GLP2R: variants seen among roughly 807,000 people sequenced by gnomAD.
GLP2R encodes glucagon like peptide 2 receptor.
A neutral mutation model predicts 68.2 loss-of-function variants in GLP2R; 59 were observed. That is an observed-to-expected ratio of 0.87 (90% CI 0.70 to 1.07). The LOEUF (loss-of-function observed/expected upper bound fraction) is 1.07. Among genes scored for constraint, GLP2R ranks in the 50% least tolerant of loss-of-function variants. The pLI is 0.00. For missense variants in GLP2R, 548 were observed against 677.4 expected (o/e 0.81, Z 2.12); for synonymous variants, 270 against 265.4 (o/e 1.02, Z -0.17).
Position 9,889,640 on chromosome 17 carries a change from T to C in GLP2R, c.1597T>C (p.Cys533Arg). 3 of 1,611,424 alleles carry C rather than the reference T, an allele frequency of 1.9e-6. No homozygotes were observed. The highest frequency in any genetic ancestry group is 2.5e-6 in the Non-Finnish European group (3 of 1,178,298). ...RWPRGSSLSE[C>R]SEGDVTMANT... ...GCCCCGGGGCAGCAGCCTGTCCGAG[T>C]GCAGTGAGGGGGATGTCACCATGGC... Residue 533 changes from cysteine (C) to arginine (R), a missense_variant, in exon 13 of 13, where the codon TGC (cysteine) becomes CGC (arginine). By Grantham distance (180) the Cys-to-Arg change is radical. Coordinates refer to ENST00000262441, the MANE Select transcript of GLP2R (RefSeq NM_004246.3).
intron 3 of GLP2R, among the ~76,000 whole-genome samples, chr17:9,840,732 G>A (rs1318795655): frequency 6.6e-6 from 1 of 152,190 alleles, no homozygotes; most frequent in Non-Finnish European, 1.5e-5. Context: ...AGTCTTCGAT[G>A]GCAAGGTGAC....
intron 11 of GLP2R, among the ~76,000 whole-genome samples, chr17:9,887,722 G>A (rs1306638282): frequency 1.3e-5 from 2 of 152,190 alleles, no homozygotes; most frequent in Non-Finnish European, 1.5e-5. Context: ...CAGGGCGGGC[G>A]GGGCGCTGGA....
chr17:9,877,655 C>A (rs375479614), intron 10 of GLP2R, among the ~76,000 whole-genome samples: 2 of 151,952 alleles, frequency 1.3e-5, no homozygotes, highest in African/African-American at 4.8e-5. Flanking sequence ...TTTGGGAGGC[C>A]GAGGCGGGCG....
intron 1 of GLP2R, among the ~76,000 whole-genome samples, chr17:9,833,344 A>T (rs1199759282): frequency 6.8e-6 from 1 of 147,916 alleles, no homozygotes; most frequent in Admixed American, 6.9e-5. Flanking sequence ...CAGAGCAGAG[A>T]ATCTGTCTAC....
intron 9 of GLP2R, chr17:9,865,918 A>G (rs1002404346): frequency 4.2e-6 from 2 of 471,220 alleles, no homozygotes; most frequent in Non-Finnish European, 8.8e-6. Context: ...ATGAACTTGT[A>G]AAACACTGAC....
intron 10 of GLP2R, among the ~76,000 whole-genome samples, chr17:9,874,223 A>T (rs1487373403): frequency 6.6e-6 from 1 of 152,172 alleles, no homozygotes; most frequent in Non-Finnish European, 1.5e-5. Context: ...GTAAATCAAG[A>T]TACTGGGGAG....
intron 10 of GLP2R, among the ~76,000 whole-genome samples, chr17:9,871,717 CTTTCTT>C (rs1374898994): frequency 1.7e-5 from 2 of 115,394 alleles, no homozygotes; most frequent in South Asian, 2.8e-4. Context: ...TCTTTACTTT[CTTTCTT>C]TTTTTTTTTT....
In GLP2R at chr17:9,842,725, C is replaced by T. The variant is rs1328627526; in HGVS notation, c.504+109C>T. 6.7e-6 allele frequency: 8 copies of T among 1,188,944 alleles called. No individual in the cohort carries two copies. In the East Asian group the frequency reaches 7.2e-5, roughly 11 times the overall value. 73.6% of individuals were successfully genotyped at this position (1,188,944 alleles called of 1,614,324 possible). A position where few individuals can be genotyped will look rare whatever the true frequency, so the allele number is the denominator to read the frequency against. ...GGGCCACACAAAGAGGCTTCTCCAG[C>T]GCCTCTCCCCGGGGAAGCTAAGGAA... On this transcript the variant is annotated intron_variant, in intron 4 of 12. Transcript: ENST00000262441.
Position 9,826,223 on chromosome 17 carries a change from A to C in GLP2R, c.160A>C (p.Thr54Pro). 1 of 1,607,962 alleles carries C rather than the reference A, an allele frequency of 6.2e-7. No individual in the cohort carries two copies. Among genetic ancestry groups the C allele is most frequent in the Non-Finnish European group, 8.5e-7 (1 of 1,178,174 alleles). Residue 54 changes from threonine (T) to proline (P), a missense_variant, in exon 1 of 13, where the codon ACT (threonine) becomes CCT (proline). By Grantham distance (38) the Thr-to-Pro change is conservative (BLOSUM62 -1). Coordinates refer to ENST00000262441, the MANE Select transcript of GLP2R (RefSeq NM_004246.3). ...SLWAPGRPFL[T>P]LVLLVSIKQV... is the part of the protein sequence containing the mutation. ...CTGGGCCCCTGGGAGGCCCTTCCTC[A>C]CTCTGGTCCTGCTGGTTTCCATCAA...
chr17:9,859,368 T>C (rs898638300), intron 6 of GLP2R, among the ~76,000 whole-genome samples: 6 of 152,194 alleles, frequency 3.9e-5, no homozygotes, highest in Non-Finnish European at 7.3e-5. Flanking sequence ...TTTTTGTTTG[T>C]CTAAAAATGT....
At chr17:9,832,926 A>G (rs907099364) in intron 1 of GLP2R, among the ~76,000 whole-genome samples, 2 of 152,050 alleles carry the variant, frequency 1.3e-5, no homozygotes, top group Non-Finnish European at 2.9e-5. Flanking sequence ...AGTCTCTCAG[A>G]CACTTCTCTT....
rs1376169258 is a variant in GLP2R, at chr17:9,826,156, C to T, written c.93C>T (p.Pro31=). ...AGCTGCCCATGGGCATCCCTGCCCC[C>T]TGGGGGACCAGTCCTCTCTCCTTCC... ...VHELPMGIPA[P]WGTSPLSFHR... Residue 31 remains proline, a synonymous_variant, in exon 1 of 13, where the codon CCC becomes CCT. Coordinates refer to ENST00000262441, the MANE Select transcript of GLP2R (RefSeq NM_004246.3). The T allele has an allele frequency of 1.9e-6, 3 of 1,612,632 alleles. No homozygotes were observed. Among genetic ancestry groups the T allele is most frequent in the Non-Finnish European group, 2.5e-6 (3 of 1,179,328 alleles).
chr17:9,873,867 A>T (rs894700667), intron 10 of GLP2R, among the ~76,000 whole-genome samples: 7 of 152,066 alleles, frequency 4.6e-5, no homozygotes, highest in Non-Finnish European at 7.4e-5. Context: ...CAGAGGGAGG[A>T]CGTTCTCAGT....
chr17:9,842,338 T>C, intron 3 of GLP2R, 157 bp from the exon 4 acceptor site: 1 of 836,888 alleles, frequency 1.2e-6, no homozygotes, highest in South Asian at 1.8e-5. Context: ...CTTCCATGTT[T>C]TCCTTTCCAT....
At chr17:9,865,731 G>A (rs1428636485) in intron 9 of GLP2R, 1 of 448,892 alleles carries the variant, frequency 2.2e-6, no homozygotes, top group Non-Finnish European at 4.6e-6. Context: ...CCACCCCCCT[G>A]CAATTAAAAT....
In GLP2R at chr17:9,891,663, G is replaced by T. The variant is rs1478782014; in HGVS notation, c.*1958G>T. On this transcript the variant is annotated 3_prime_UTR_variant, in exon 13 of 13. Transcript: ENST00000262441. The stretch of plus-strand genomic sequence containing the variant: ...ACCCCATAGTCCAGCCCTGGTTTTA[G>T]GATGGGGATGGAGGCAAAGGCATCA... 1 of 152,232 alleles carries T rather than the reference G, an allele frequency of 6.6e-6. No homozygotes were observed. The highest frequency in any genetic ancestry group is 2.4e-5 in the African/African-American group (1 of 41,458). 9.4% of individuals were successfully genotyped at this position (152,232 alleles called of 1,614,324 possible). A position where few individuals can be genotyped will look rare whatever the true frequency, so the allele number is the denominator to read the frequency against.
Position 9,880,482 on chromosome 17 carries a change from G to T in GLP2R, c.1250G>T (p.Arg417Leu). Residue 417 changes from arginine to leucine, a missense_variant, in exon 11 of 13, where the codon CGA (arginine) becomes CTA (leucine). Transcript: ENST00000262441. Reference sequence around the variant, plus strand: ...GTTGAAGGATTTGCAAAACTTATACGACTTTTCATTCAGTTGACACTGAGC... The same window carrying T: ...GTTGAAGGATTTGCAAAACTTATACTACTTTTCATTCAGTTGACACTGAGC... ...DQVEGFAKLI[R>L]LFIQLTLSSF... 6.2e-7 allele frequency: 1 copy of T among 1,605,580 alleles called. No homozygotes were observed. Among genetic ancestry groups the T allele is most frequent in the South Asian group, 1.1e-5 (1 of 89,318 alleles).
intron 4 of GLP2R, among the ~76,000 whole-genome samples, chr17:9,849,247 A>G (rs1333076288): frequency 6.6e-6 from 1 of 152,054 alleles, no homozygotes; most frequent in Non-Finnish European, 1.5e-5. Flanking sequence ...ATGTAATAAC[A>G]TTTTGCCACA....
At chr17:9,866,263 A>G (rs1363631663) in intron 9 of GLP2R, 2 of 201,710 alleles carry the variant, frequency 9.9e-6, no homozygotes, top group African/African-American at 4.7e-5. Context: ...TCAGTCTTGA[A>G]CTAGACCAGT....
Sources: gnomAD v4.1 joint callset for allele counts (sites outside exome capture counted in the v4.1 genomes callset) on GRCh38, gnomAD v4.1.1 for gene constraint, MANE v1.5 for transcripts, NCBI Gene and HGNC (gene_info 2026-07-23, HGNC 2026-07-21) for gene names.